ARHGAP22: variants seen among roughly 807,000 people sequenced by gnomAD.
ARHGAP22 encodes the protein Rho GTPase activating protein 22.
A neutral mutation model predicts 59.1 loss-of-function variants in ARHGAP22; 48 were observed. The observed-to-expected ratio is 0.81, with a 90% CI of 0.64 to 1.03. The LOEUF is 1.03. Ranked by LOEUF, ARHGAP22 falls within the 50% of genes least tolerant of loss-of-function variation. The pLI is 0.00. For missense variants in ARHGAP22, 1,015 were observed against 958.7 expected, an observed-to-expected ratio of 1.06 and a Z score of -0.78; for synonymous variants, 445 against 416.4, an observed-to-expected ratio of 1.07 and a Z score of -0.84.
intron 1 of ARHGAP22, among the ~76,000 whole-genome samples, chr10:48,591,674 G>A (rs568591436): frequency 9.2e-5 from 14 of 152,102 alleles, no homozygotes; most frequent in African/African-American, 1.9e-4. Context: ...AATTAAAAAC[G>A]TGCATCCTGG....
intron 4 of ARHGAP22, among the ~76,000 whole-genome samples, chr10:48,463,717 T>A (rs2047378451): frequency 6.6e-6 from 1 of 152,082 alleles, no homozygotes; most frequent in Non-Finnish European, 1.5e-5. Context: ...TTCCCTCCCC[T>A]CTGTCACAGC....
the ARHGAP22 span, chr10:48,435,175 T>A: frequency 1.7e-6 from 1 of 579,526 alleles, no homozygotes; most frequent in Non-Finnish European, 2.8e-6. Context: ...TTATTTTTTT[T>A]AATTTCAAGT....
chr10:48,491,986 T>C (rs1322592121), intron 3 of ARHGAP22, among the ~76,000 whole-genome samples: 1 of 152,174 alleles, frequency 6.6e-6, no homozygotes, highest in Middle Eastern at 3.2e-3. Flanking sequence ...AGCCAGGCTT[T>C]CTCCCCTCTG....
chr10:48,655,000 CTT>C (rs1397100578), upstream of ARHGAP22, among the ~76,000 whole-genome samples: 72 of 105,616 alleles, frequency 6.8e-4, 2 homozygotes, highest in African/African-American at 2.6e-3. Flanking sequence ...TCCTCTCTCT[CTT>C]TCTTTCTCTT....
At chr10:48,458,613 G>C (rs2046816859) in intron 5 of ARHGAP22, among the ~76,000 whole-genome samples, 1 of 152,182 alleles carries the variant, frequency 6.6e-6, no homozygotes. Flanking sequence ...ATCTGATCCT[G>C]GGGAGCTTCC....
At chr10:48,509,462 T>C (rs961654743) in intron 3 of ARHGAP22, among the ~76,000 whole-genome samples, 2 of 152,204 alleles carry the variant, frequency 1.3e-5, no homozygotes, top group African/African-American at 4.8e-5. Context: ...TTGTGGTATT[T>C]TAAGAAGATT....
rs564697988 is a variant in ARHGAP22, at chr10:48,455,669, C to T, written c.660-535G>A. Among the ~76,000 whole-genome samples the T allele has an allele frequency of 2.0e-5, 3 of 152,342 alleles. No homozygotes were observed. In the East Asian group the frequency reaches 5.8e-4, roughly 29 times the overall value. ...GACGATGTGGGAGCTGCCTGCTCTG[C>T]GGTAGGAACAGCTATCCTGCAGGCC... On this transcript the variant is annotated intron_variant, in intron 5 of 9. Coordinates refer to ENST00000249601, the MANE Select transcript of ARHGAP22 (RefSeq NM_021226.4).
intron 9 of ARHGAP22, among the ~76,000 whole-genome samples, chr10:48,447,212 C>G (rs1466285303): frequency 2.0e-5 from 3 of 152,246 alleles, no homozygotes; most frequent in Non-Finnish European, 4.4e-5. Context: ...GAGCCTATAC[C>G]ACACGCTTCC....
Position 48,451,152 on chromosome 10 carries a change from A to G in ARHGAP22, c.989-12T>C. ...GACGAGGGAAGTGCCTGCCGGGAAG[A>G]GAGGCGGAGAAGGGCCTTGCTGCCA... On this transcript the variant is annotated splice_polypyrimidine_tract_variant and intron_variant, in intron 8 of 9. Coordinates refer to ENST00000249601, the MANE Select transcript of ARHGAP22 (RefSeq NM_021226.4). 1.3e-6 allele frequency: 2 copies of G among 1,550,988 alleles called. No individual in the cohort carries two copies. Among genetic ancestry groups the G allele is most frequent in the Non-Finnish European group, 1.7e-6 (2 of 1,147,146 alleles).
At chr10:48,616,278 A>C (rs996690935) in intron 1 of ARHGAP22, among the ~76,000 whole-genome samples, 5 of 152,180 alleles carry the variant, frequency 3.3e-5, no homozygotes, top group African/African-American at 4.8e-5. Flanking sequence ...TTCCATTTGC[A>C]CCGGGAAACC....
intron 1 of ARHGAP22, among the ~76,000 whole-genome samples, chr10:48,587,003 T>C (rs990436549): frequency 6.6e-6 from 1 of 152,216 alleles, no homozygotes; most frequent in Non-Finnish European, 1.5e-5. Context: ...TGTAGCACCC[T>C]ATCCCGCATC....
At chr10:48,650,521 T>C (rs2062517580) in intron 1 of ARHGAP22, among the ~76,000 whole-genome samples, 1 of 152,204 alleles carries the variant, frequency 6.6e-6, no homozygotes, top group South Asian at 2.1e-4. Flanking sequence ...AATGTATGAA[T>C]TGCCACTGAC....
intron 4 of ARHGAP22, among the ~76,000 whole-genome samples, chr10:48,472,389 T>C (rs2133975610): frequency 6.6e-6 from 1 of 151,796 alleles, no homozygotes; most frequent in East Asian, 1.9e-4. Context: ...CCGGGTATGG[T>C]GGTACGTGCC....
chr10:48,648,323 C>T (rs962104298), intron 1 of ARHGAP22, among the ~76,000 whole-genome samples: 2 of 152,190 alleles, frequency 1.3e-5, no homozygotes, highest in East Asian at 3.9e-4. Context: ...AATCTCCAGG[C>T]CCCCAGGATG....
At chr10:48,623,343 G>C (rs1463439209) in intron 1 of ARHGAP22, among the ~76,000 whole-genome samples, 1 of 152,260 alleles carries the variant, frequency 6.6e-6, no homozygotes, top group Non-Finnish European at 1.5e-5. Flanking sequence ...CGTGGTCACA[G>C]TTTTGATTCT....
At chr10:48,582,807 A>G in intron 2 of ARHGAP22, 146 bp downstream of exon 2, 1 of 881,996 alleles carries the variant, frequency 1.1e-6, no homozygotes, top group Non-Finnish European at 1.7e-6. Flanking sequence ...GGGGGATAAG[A>G]ATGAAAATTA....
chr10:48,539,291 A>ATT (rs56801787), intron 3 of ARHGAP22, among the ~76,000 whole-genome samples: 11 of 136,288 alleles, frequency 8.1e-5, no homozygotes, highest in African/African-American at 2.8e-4. Context: ...GAAGGGTAAC[A>ATT]TTTTTTTTTT....
chr10:48,527,652 G>A, intron 3 of ARHGAP22, among the ~76,000 whole-genome samples: 1 of 152,228 alleles, frequency 6.6e-6, no homozygotes, highest in East Asian at 1.9e-4. Flanking sequence ...TAAAGTCATG[G>A]GCTGCGACTG....
chr10:48,498,897 GC>G (rs1363300994), intron 3 of ARHGAP22, among the ~76,000 whole-genome samples: 4 of 152,170 alleles, frequency 2.6e-5, no homozygotes, highest in Non-Finnish European at 5.9e-5. Context: ...TTTACAGGCT[GC>G]CCTAAGACTA....
Sources: allele counts gnomAD v4.1 joint callset (sites outside exome capture counted in the v4.1 genomes callset), GRCh38; gene constraint gnomAD v4.1.1; transcripts MANE v1.5; gene names NCBI Gene and HGNC (gene_info 2026-07-23, HGNC 2026-07-21).